The following AMOTL1 variants were observed in gnomAD, a reference collection of about 807,000 sequenced individuals.
The protein encoded by AMOTL1 is angiomotin like 1.
Under a neutral mutation model 102.9 loss-of-function variants are expected in AMOTL1, and 45 were observed. The ratio of observed to expected loss-of-function variants is 0.44; its 90% CI spans 0.34 to 0.56. The LOEUF (loss-of-function observed/expected upper bound fraction) is 0.56, where lower values mean the gene tolerates loss of function less well. Ranked by LOEUF, AMOTL1 falls within the 20% of genes least tolerant of loss-of-function variation. The pLI, the probability that AMOTL1 is intolerant of heterozygous loss-of-function variation, is 0.01. For synonymous variants in AMOTL1, 481 were observed against 484.7 expected (o/e 0.99, Z 0.10); for missense variants, 1,114 against 1,225.6 (o/e 0.91, Z 1.36).
chr11:94,826,300 T>A (rs2399963), intron 4 of AMOTL1, among the ~76,000 whole-genome samples: 37,909 of 151,922 alleles, frequency 0.25, 5,333 homozygotes, highest in East Asian at 0.46. Context: ...AAAAGCAAAA[T>A]CAAAAAAACC....
chr11:94,824,567 G>T (rs1226517721), intron 4 of AMOTL1, among the ~76,000 whole-genome samples: 1 of 152,196 alleles, frequency 6.6e-6, no homozygotes, highest in Admixed American at 6.5e-5. Flanking sequence ...ACTTCGTGAC[G>T]TAACATTTTG....
intron 3 of AMOTL1, among the ~76,000 whole-genome samples, chr11:94,804,273 T>C (rs1455457831): frequency 6.6e-6 from 1 of 152,200 alleles, no homozygotes; most frequent in Non-Finnish European, 1.5e-5. Context: ...GCAAAATCTT[T>C]GCTAATTTAA....
intron 1 of AMOTL1, among the ~76,000 whole-genome samples, chr11:94,786,928 G>A (rs1299931027): frequency 1.3e-5 from 2 of 152,090 alleles, no homozygotes; most frequent in Non-Finnish European, 2.9e-5. Flanking sequence ...ATATGCAGAC[G>A]ATTCATTGGT....
intron 11 of AMOTL1, among the ~76,000 whole-genome samples, chr11:94,867,526 G>T (rs1300122745): frequency 6.6e-6 from 1 of 152,234 alleles, no homozygotes; most frequent in Non-Finnish European, 1.5e-5. Flanking sequence ...CGGAGGACTT[G>T]TTTGAAGGAA....
intron 1 of AMOTL1, among the ~76,000 whole-genome samples, chr11:94,770,047 AT>A (rs1950922372): frequency 6.6e-6 from 1 of 152,202 alleles, no homozygotes; most frequent in South Asian, 2.1e-4. Flanking sequence ...GGCTTGAAAT[AT>A]TAAACAATCA....
chr11:94,768,192 T>C (rs962202990), upstream of AMOTL1: 3 of 983,030 alleles, frequency 3.1e-6, no homozygotes, highest in African/African-American at 1.7e-5. Flanking sequence ...AATTTCAGCC[T>C]GGCAGTCTCG....
chr11:94,806,968 A>G (rs1021115811), intron 3 of AMOTL1, among the ~76,000 whole-genome samples: 1 of 152,206 alleles, frequency 6.6e-6, no homozygotes, highest in Non-Finnish European at 1.5e-5. Flanking sequence ...AGCAAATTGC[A>G]TAAGTTCTCA....
Position 94,736,135 on chromosome 11 carries a change from C to A in AMOTL1, c.86-4803C>A, listed in dbSNP as rs1473001663. On this transcript the variant is annotated intron_variant, in intron 2 of 4. Coordinates refer to the AMOTL1 transcript ENST00000299004. Reference sequence around the variant, plus strand: ...TTCCCTAGAAACAGGGGCAGGGACTCCCTCTTGCTGTCTGCTGGGGCCATG... The same window carrying A: ...TTCCCTAGAAACAGGGGCAGGGACTACCTCTTGCTGTCTGCTGGGGCCATG... 3.3e-5 allele frequency among the ~76,000 whole-genome samples: 5 copies of A among 152,318 alleles called. No individual in the cohort carries two copies. The East Asian group carries it at 9.6e-4, about 29-fold the overall frequency.
intron 2 of AMOTL1, among the ~76,000 whole-genome samples, chr11:94,739,842 G>A (rs1950491588): frequency 6.6e-6 from 1 of 152,160 alleles, no homozygotes; most frequent in Non-Finnish European, 1.5e-5. Flanking sequence ...TAACACATCT[G>A]TCCAAGTTAT....
At chr11:94,741,412 T>A (rs1950525590) in intron 3 of AMOTL1, among the ~76,000 whole-genome samples, 1 of 152,158 alleles carries the variant, frequency 6.6e-6, no homozygotes, top group Non-Finnish European at 1.5e-5. Flanking sequence ...AAGGACGTCG[T>A]GTGGGTCGTC....
At chr11:94,737,464 C>T (rs188897692) in intron 2 of AMOTL1, among the ~76,000 whole-genome samples, 185 of 152,360 alleles carry the variant, frequency 1.2e-3, no homozygotes, top group African/African-American at 4.4e-3. Context: ...GACACTCTCT[C>T]TCCTAGGGGC....
chr11:94,739,385 C>A (rs970012), intron 2 of AMOTL1, among the ~76,000 whole-genome samples: 104,523 of 152,020 alleles, frequency 0.69, 37,551 homozygotes, highest in Non-Finnish European at 0.81. Flanking sequence ...ATAGGCTCAG[C>A]AGCTCAAGAA....
intron 4 of AMOTL1, among the ~76,000 whole-genome samples, chr11:94,828,299 C>G (rs1295208021): frequency 6.6e-6 from 1 of 152,116 alleles, no homozygotes; most frequent in East Asian, 1.9e-4. Flanking sequence ...TGGAATTTGC[C>G]CTTTTAGTGT....
At chr11:94,854,129 C>G in intron 8 of AMOTL1, 47 bp downstream of exon 8, 1 of 1,478,260 alleles carries the variant, frequency 6.8e-7, no homozygotes, top group Non-Finnish European at 9.0e-7. Context: ...TATGTTCACT[C>G]AGCAAACGTA....
At chr11:94,723,764 A>AT (rs59773120) in intron 1 of AMOTL1, among the ~76,000 whole-genome samples, 3,476 of 151,520 alleles carry the variant, frequency 0.023, 121 homozygotes, top group African/African-American at 0.079. Context: ...GTAAAAAGGT[A>AT]TTTTTTTTTC....
intron 2 of AMOTL1, among the ~76,000 whole-genome samples, chr11:94,731,455 G>C (rs1294245005): frequency 6.6e-6 from 1 of 152,160 alleles, no homozygotes. Context: ...GTCCTCAGAG[G>C]ACAGAGTCAG....
At chr11:94,713,963 TC>T (rs1950056645) in intron 1 of AMOTL1, among the ~76,000 whole-genome samples, 2 of 152,150 alleles carry the variant, frequency 1.3e-5, no homozygotes, top group South Asian at 4.1e-4. Flanking sequence ...AGAAATCCTT[TC>T]CAATCTCAAA....
chr11:94,867,198 C>T (rs1952901887), intron 11 of AMOTL1, among the ~76,000 whole-genome samples: 1 of 152,118 alleles, frequency 6.6e-6, no homozygotes, highest in African/African-American at 2.4e-5. Context: ...AGGCTCCCAA[C>T]CAGAATCTGT....
intron 3 of AMOTL1, among the ~76,000 whole-genome samples, chr11:94,812,211 G>T (rs1226756999): frequency 6.6e-6 from 1 of 152,154 alleles, no homozygotes; most frequent in Non-Finnish European, 1.5e-5. Flanking sequence ...TTTCCAATTT[G>T]TGAACCCCAA....
Sources: gnomAD v4.1 joint callset for allele counts (sites outside exome capture counted in the v4.1 genomes callset) on GRCh38, gnomAD v4.1.1 for gene constraint, MANE v1.5 for transcripts, NCBI Gene and HGNC (gene_info 2026-07-23, HGNC 2026-07-21) for gene names.